The following SLC30A4 variants were observed in gnomAD, a reference collection of about 807,000 sequenced individuals.
SLC30A4 encodes the protein solute carrier family 30 member 4, also known as probable proton-coupled zinc antiporter SLC30A4.
A neutral mutation model predicts 41.7 loss-of-function variants in SLC30A4; 20 were observed. The ratio of observed to expected loss-of-function variants is 0.48; its 90% CI spans 0.34 to 0.70. The LOEUF (loss-of-function observed/expected upper bound fraction) is 0.70, where lower values mean the gene tolerates loss of function less well. Ranked by LOEUF, SLC30A4 falls within the 30% of genes least tolerant of loss-of-function variation. SLC30A4 has a pLI of 0.01. For synonymous variants in SLC30A4, 181 were observed against 195.9 expected, an observed-to-expected ratio of 0.92 and a Z score of 0.64; for missense variants, 441 against 529.3, an observed-to-expected ratio of 0.83 and a Z score of 1.64.
intron 3 of SLC30A4, chr15:45,502,951 G>A (rs1333594472): frequency 2.0e-5 from 3 of 150,772 alleles, no homozygotes; most frequent in Non-Finnish European, 4.4e-5. Context: ...CTATGATGGT[G>A]TCATTGTATT....
In SLC30A4 at chr15:45,489,078, C is replaced by T. The variant is rs767007812; in HGVS notation, c.693-36G>A. On this transcript the variant is annotated intron_variant, in intron 4 of 7. Transcript: ENST00000261867. ...TAAAAGAAAACATTATTATTTTTCC[C>T]AATATTGACAAAAACATTTGTCACT... The T allele has an allele frequency of 2.0e-6, 3 of 1,469,728 alleles. No homozygotes were observed. In the South Asian group the frequency reaches 3.7e-5, roughly 18 times the overall value. 91.0% of individuals were successfully genotyped at this position (1,469,728 alleles called of 1,614,324 possible).
intron 5 of SLC30A4, 91 bp downstream of exon 5, chr15:45,488,750 T>G (rs1339752578): frequency 1.1e-6 from 1 of 923,658 alleles, no homozygotes; most frequent in Middle Eastern, 2.2e-4. Flanking sequence ...GAACTGGCAC[T>G]GGTGTCCAGT....
Position 45,480,895 on chromosome 15 carries a change from A to T in SLC30A4, c.*4268T>A, listed in dbSNP as rs528656270. The stretch of plus-strand genomic sequence containing the variant: ...TCTCTTTGTCTACCACACTTACTCT[A>T]CGAAGTCCAGTGTGCAGAGAAATCT... On this transcript the variant is annotated 3_prime_UTR_variant, in exon 8 of 8. Transcript: ENST00000261867. 2 of 152,368 alleles carry T rather than the reference A, an allele frequency of 1.3e-5. No individual in the cohort carries two copies. Among genetic ancestry groups the T allele is most frequent in the South Asian group, 4.1e-4 (2 of 4,826 alleles). 9.4% of individuals were successfully genotyped at this position (152,368 alleles called of 1,614,324 possible).
rs574743214 is a variant in SLC30A4 at position 45,509,561 on chromosome 15, C to G, written c.538+1577G>C. ...GAGCCACCGTGCCTGGCCAGGAACA[C>G]ATTCACATGCATTATGCAGTAGCTT... On this transcript the variant is annotated intron_variant, in intron 3 of 7. Coordinates refer to ENST00000261867, the MANE Select transcript of SLC30A4 (RefSeq NM_013309.6). Among the ~76,000 whole-genome samples the G allele has an allele frequency of 4.1e-4, 62 of 152,078 alleles. 1 individual carries two copies. The South Asian group carries it at 0.013, about 31-fold the overall frequency.
intron 2 of SLC30A4, among the ~76,000 whole-genome samples, chr15:45,517,460 T>G (rs1389042681): frequency 6.6e-6 from 1 of 150,864 alleles, no homozygotes; most frequent in African/African-American, 2.4e-5. Context: ...TTCAAGTGAT[T>G]CTTTTGCCTC....
intron 2 of SLC30A4, among the ~76,000 whole-genome samples, chr15:45,518,753 A>G (rs1365525795): frequency 6.6e-6 from 1 of 151,776 alleles, no homozygotes; most frequent in Non-Finnish European, 1.5e-5. Context: ...TTTGGTAGAG[A>G]GGGGGTTTCA....
At chr15:45,508,532 A>G (rs1892210195) in intron 3 of SLC30A4, among the ~76,000 whole-genome samples, 1 of 152,210 alleles carries the variant, frequency 6.6e-6, no homozygotes, top group Admixed American at 6.5e-5. Context: ...TATGTTCTAC[A>G]CATTGCTTCT....
chr15:45,485,862 C>T (rs1349844657), intron 7 of SLC30A4, among the ~76,000 whole-genome samples: 2 of 151,860 alleles, frequency 1.3e-5, no homozygotes, highest in African/African-American at 4.8e-5. Context: ...GGATTACAGG[C>T]ACGTGTCACC....
At chr15:45,513,845 A>G (rs1220948346) in intron 2 of SLC30A4, 1 of 152,184 alleles carries the variant, frequency 6.6e-6, no homozygotes, top group Non-Finnish European at 1.5e-5. Flanking sequence ...GTAGTTCCCT[A>G]AAGGACGTGC....
intron 2 of SLC30A4, among the ~76,000 whole-genome samples, chr15:45,520,243 ATTAC>A (rs1204082618): frequency 3.0e-4 from 46 of 151,490 alleles, no homozygotes; most frequent in Admixed American, 3.0e-3. Context: ...TTTAATTTTT[ATTAC>A]TTATTTATTT....
chr15:45,489,142 T>A, intron 4 of SLC30A4, 100 bp from the exon 5 acceptor site: 1 of 860,716 alleles, frequency 1.2e-6, no homozygotes, highest in Non-Finnish European at 1.8e-6. Flanking sequence ...CTCATTTATT[T>A]AATAAATTTG....
At chr15:45,519,886 G>A (rs569584275) in intron 2 of SLC30A4, among the ~76,000 whole-genome samples, 1 of 152,240 alleles carries the variant, frequency 6.6e-6, no homozygotes, top group Non-Finnish European at 1.5e-5. Context: ...TTCTAGTTGT[G>A]TTAGTTTGGG....
intron 2 of SLC30A4, among the ~76,000 whole-genome samples, chr15:45,514,515 T>A (rs1892405421): frequency 7.0e-6 from 1 of 143,450 alleles, no homozygotes; most frequent in Non-Finnish European, 1.5e-5. Flanking sequence ...TTCCAATTTT[T>A]TTTTTTTTTT....
At chr15:45,494,296 A>T (rs992480528) in intron 3 of SLC30A4, among the ~76,000 whole-genome samples, 3 of 152,232 alleles carry the variant, frequency 2.0e-5, no homozygotes, top group African/African-American at 7.2e-5. Flanking sequence ...ACAAAAAGTA[A>T]ATAAGTTAAA....
At chr15:45,492,872 G>T (rs1891836847) in intron 3 of SLC30A4, among the ~76,000 whole-genome samples, 1 of 152,154 alleles carries the variant, frequency 6.6e-6, no homozygotes, top group East Asian at 1.9e-4. Context: ...GGATGACCTT[G>T]CCCTATATAT....
intron 3 of SLC30A4, among the ~76,000 whole-genome samples, chr15:45,497,941 T>C (rs1244505157): frequency 2.0e-5 from 3 of 152,230 alleles, no homozygotes; most frequent in African/African-American, 7.2e-5. Context: ...CAATATTTGC[T>C]TCAACTATGT....
intron 4 of SLC30A4, 22 bp from the exon 5 acceptor site, chr15:45,489,064 A>G: frequency 6.4e-7 from 1 of 1,554,050 alleles, no homozygotes; most frequent in Non-Finnish European, 8.8e-7. Context: ...AAAAGAAAAC[A>G]TTATTATTTT....
At chr15:45,520,528 G>A (rs1243715016) in intron 2 of SLC30A4, among the ~76,000 whole-genome samples, 2 of 151,950 alleles carry the variant, frequency 1.3e-5, no homozygotes, top group African/African-American at 2.4e-5. Flanking sequence ...ACCCACCTCG[G>A]CCTCCCAAAG....
chr15:45,521,193 T>C (rs1372285474), intron 2 of SLC30A4, among the ~76,000 whole-genome samples: 1 of 152,224 alleles, frequency 6.6e-6, no homozygotes, highest in Non-Finnish European at 1.5e-5. Context: ...TTAGTAGTTA[T>C]ACTGACGTGA....
Sources: allele counts gnomAD v4.1 joint callset (sites outside exome capture counted in the v4.1 genomes callset), GRCh38; gene constraint gnomAD v4.1.1; transcripts MANE v1.5; gene names NCBI Gene and HGNC (gene_info 2026-07-23, HGNC 2026-07-21).